Variants in DNAJB4 observed in about 807,000 individuals in gnomAD.
The protein encoded by DNAJB4 is DnaJ heat shock protein family (Hsp40) member B4.
Under a neutral mutation model 26.6 loss-of-function variants are expected in DNAJB4, and 10 were observed. That is an observed-to-expected ratio of 0.38 (90% CI 0.23 to 0.64). The LOEUF (loss-of-function observed/expected upper bound fraction) is 0.64, where lower values mean the gene tolerates loss of function less well. Among genes scored for constraint, DNAJB4 ranks in the 30% least tolerant of loss-of-function variants. DNAJB4 has a pLI of 0.58. For synonymous variants in DNAJB4, 136 were observed against 134.8 expected (o/e 1.01, Z -0.06); for missense variants, 328 against 408.2 (o/e 0.80, Z 1.69).
intron 1 of DNAJB4, among the ~76,000 whole-genome samples, chr1:77,982,312 TTTTTGTGGTCAAAACATTTATTGTTTC>T (rs1388524572): frequency 7.2e-5 from 11 of 152,244 alleles, no homozygotes; most frequent in African/African-American, 1.9e-4. Context: ...ATTCTCCCTT[TTTTTGTGGTCAAAACATTTATTGTTTC>T]TTTTCCTATT....
At chr1:78,009,887 G>T (rs1439153889) in intron 1 of DNAJB4, among the ~76,000 whole-genome samples, 1 of 152,154 alleles carries the variant, frequency 6.6e-6, no homozygotes, top group East Asian at 1.9e-4. Flanking sequence ...GCCTCCCAAA[G>T]TTCTGGGATT....
chr1:78,012,159 C>CTTTTTTTTTTT (rs1270987929), intron 1 of DNAJB4, among the ~76,000 whole-genome samples: 17 of 88,806 alleles, frequency 1.9e-4, no homozygotes, highest in Admixed American at 5.4e-4. Flanking sequence ...CTTTTCTTTT[C>CTTTTTTTTTTT]TTTTTTTTTT....
At chr1:78,010,634 T>C (rs1367476042) in intron 1 of DNAJB4, among the ~76,000 whole-genome samples, 1 of 152,188 alleles carries the variant, frequency 6.6e-6, no homozygotes, top group Non-Finnish European at 1.5e-5. Flanking sequence ...AAATTTTAGA[T>C]ATCACTTGAG....
At chr1:77,987,789 A>G (rs202211446) in intron 1 of DNAJB4, among the ~76,000 whole-genome samples, 3 of 152,058 alleles carry the variant, frequency 2.0e-5, no homozygotes, top group East Asian at 3.9e-4. Context: ...CTGCTACATC[A>G]TGGTCCAAAC....
intron 2 of DNAJB4, among the ~76,000 whole-genome samples, chr1:78,014,474 A>G (rs1230612039): frequency 1.3e-5 from 2 of 152,236 alleles, no homozygotes; most frequent in African/African-American, 2.4e-5. Context: ...CCCTGCTTCA[A>G]ATTCTTAAAT....
At chr1:77,993,916 A>G (rs1177000603) in intron 1 of DNAJB4, among the ~76,000 whole-genome samples, 2 of 152,190 alleles carry the variant, frequency 1.3e-5, no homozygotes, top group Non-Finnish European at 2.9e-5. Context: ...ATTTTATAGT[A>G]GTTGGTAAAT....
intron 1 of DNAJB4, among the ~76,000 whole-genome samples, chr1:77,996,307 C>A (rs1660059868): frequency 6.6e-6 from 1 of 152,078 alleles, no homozygotes. Context: ...GCACATGCCA[C>A]CATGCCTGGC....
chr1:78,005,409 C>A, intron 1 of DNAJB4, 88 bp downstream of exon 1: 1 of 1,145,394 alleles, frequency 8.7e-7, no homozygotes, highest in Non-Finnish European at 1.2e-6. Context: ...TCCCCTCTCT[C>A]TCAGCTTGTT....
intron 2 of DNAJB4, among the ~76,000 whole-genome samples, chr1:78,014,180 C>T (rs990451037): frequency 3.3e-5 from 5 of 151,448 alleles, no homozygotes; most frequent in African/African-American, 1.2e-4. Context: ...GCAATCTCGG[C>T]TCACTGCAAC....
chr1:78,013,811 CTTATAA>C (rs1480200077), intron 2 of DNAJB4, among the ~76,000 whole-genome samples, 192 bp downstream of exon 2: 3 of 152,018 alleles, frequency 2.0e-5, no homozygotes, highest in Non-Finnish European at 2.9e-5. Flanking sequence ...ACTTTAGTTA[CTTATAA>C]TTAAAGTGTC....
At chr1:77,993,558 C>A (rs775850651) in intron 1 of DNAJB4, among the ~76,000 whole-genome samples, 1 of 152,048 alleles carries the variant, frequency 6.6e-6, no homozygotes. Flanking sequence ...TCAATTGATC[C>A]GCCCTCCTTG....
In DNAJB4 at chr1:78,017,413, T is replaced by C. The variant is rs1026537792; in HGVS notation, c.*1166T>C. ...TTTTCAGGATTATATATATATATAC[T>C]GGATCCTATCGCCTTTTAGTAGAAT... On this transcript the variant is annotated 3_prime_UTR_variant, in exon 3 of 3. Transcript: ENST00000370763. 4 of 151,978 alleles carry C rather than the reference T, an allele frequency of 2.6e-5. No individual in the cohort carries two copies. The highest frequency in any genetic ancestry group is 5.9e-5 in the Non-Finnish European group (4 of 67,890). The allele number at this position is 151,978 out of a possible 1,614,324, so 9.4% of individuals were successfully genotyped here.
At chr1:77,984,140 T>C (rs1344827834) in intron 1 of DNAJB4, among the ~76,000 whole-genome samples, 1 of 152,244 alleles carries the variant, frequency 6.6e-6, no homozygotes, top group Non-Finnish European at 1.5e-5. Flanking sequence ...CTAGGGACTT[T>C]TCACTGGAAT....
upstream of DNAJB4, among the ~76,000 whole-genome samples, chr1:78,002,711 C>T (rs1660220391): frequency 6.6e-6 from 1 of 152,120 alleles, no homozygotes; most frequent in Non-Finnish European, 1.5e-5. Context: ...ATACAACAAT[C>T]ACGTAATACA....
chr1:77,995,712 T>C (rs1038757358), intron 1 of DNAJB4, among the ~76,000 whole-genome samples: 1 of 152,340 alleles, frequency 6.6e-6, no homozygotes, highest in Non-Finnish European at 1.5e-5. Flanking sequence ...CTTGGCTTCC[T>C]AAAGTACTGG....
intron 1 of DNAJB4, among the ~76,000 whole-genome samples, chr1:78,011,189 A>G (rs557680451): frequency 6.6e-6 from 1 of 152,168 alleles, no homozygotes; most frequent in Admixed American, 6.5e-5. Context: ...TGTGGGTTAA[A>G]TATTACTTAG....
At chr1:77,982,322 CA>C (rs1271080648) in intron 1 of DNAJB4, among the ~76,000 whole-genome samples, 4 of 152,086 alleles carry the variant, frequency 2.6e-5, no homozygotes, top group Non-Finnish European at 4.4e-5. Flanking sequence ...TTTTTGTGGT[CA>C]AAACATTTAT....
intron 1 of DNAJB4, among the ~76,000 whole-genome samples, chr1:78,012,159 CTTTTTTTTTTTT>C (rs1270987929): frequency 1.1e-5 from 1 of 88,792 alleles, no homozygotes; most frequent in Admixed American, 1.8e-4. Context: ...CTTTTCTTTT[CTTTTTTTTTTTT>C]TTTTTTTTTG....
chr1:78,013,746 C>T (rs1435175495), intron 2 of DNAJB4, 127 bp downstream of exon 2: 3 of 746,366 alleles, frequency 4.0e-6, no homozygotes, highest in African/African-American at 3.6e-5. Flanking sequence ...CTATAAAAAT[C>T]CTCTAAGATA....
Sources: gnomAD v4.1 joint callset for allele counts (sites outside exome capture counted in the v4.1 genomes callset) on GRCh38, gnomAD v4.1.1 for gene constraint, MANE v1.5 for transcripts, NCBI Gene and HGNC (gene_info 2026-07-23, HGNC 2026-07-21) for gene names.